PPP2R5C: variants seen among roughly 807,000 people sequenced by gnomAD.
The protein encoded by PPP2R5C is protein phosphatase 2 regulatory subunit B'gamma.
A neutral mutation model predicts 68.9 loss-of-function variants in PPP2R5C; 7 were observed. That is an observed-to-expected ratio of 0.10 (90% CI 0.06 to 0.19). The LOEUF is 0.19. Among genes scored for constraint, PPP2R5C ranks in the 10% least tolerant of loss-of-function variants. PPP2R5C has a pLI of 1.00. For missense variants in PPP2R5C, 348 were observed against 641.3 expected (o/e 0.54, Z 4.94); for synonymous variants, 210 against 222.2 (o/e 0.95, Z 0.49).
At chr14:101,904,936 C>T (rs1359743313) in intron 9 of PPP2R5C, among the ~76,000 whole-genome samples, 1 of 152,230 alleles carries the variant, frequency 6.6e-6, no homozygotes, top group African/African-American at 2.4e-5. Context: ...CACTTGTGTG[C>T]TGGTTTACTA....
chr14:101,761,935 G>A lies in PPP2R5C; in HGVS notation c.27+15G>A. Reference sequence around the variant, plus strand: ...AGAAGGAGAAAGTGAGTCCGGGCCCGGCCGCGGGACGGAGGGAGCAGGGAG... The same window carrying A: ...AGAAGGAGAAAGTGAGTCCGGGCCCAGCCGCGGGACGGAGGGAGCAGGGAG... On this transcript the variant is annotated intron_variant, in intron 1 of 14. Transcript: ENST00000328724. 1 of 1,190,362 alleles carries A rather than the reference G, an allele frequency of 8.4e-7. No individual in the cohort carries two copies. The highest frequency in any genetic ancestry group is 1.1e-6 in the Non-Finnish European group (1 of 951,816). 73.7% of individuals were successfully genotyped at this position (1,190,362 alleles called of 1,614,324 possible).
In PPP2R5C at chr14:101,890,069, C is replaced by T. The variant is rs1417933643; in HGVS notation, c.630-168C>T. 2.8e-6 allele frequency: 2 copies of T among 702,622 alleles called. 1 individual carries two copies. Among genetic ancestry groups the T allele is most frequent in the Non-Finnish European group, 5.2e-6 (2 of 387,186 alleles). The allele number at this position is 702,622 out of a possible 1,614,324, so 43.5% of individuals were successfully genotyped here. On this transcript the variant is annotated intron_variant, in intron 5 of 13. Coordinates refer to ENST00000334743, the Ensembl canonical transcript of PPP2R5C. ...CCCTCGAGGCATTTACAGCTGCAGGCCTTGAGGAGTTTCTTTGGTTCCTGA... is the reference window on the plus strand; with the variant it reads ...CCCTCGAGGCATTTACAGCTGCAGGTCTTGAGGAGTTTCTTTGGTTCCTGA...
intron 11 of PPP2R5C, among the ~76,000 whole-genome samples, chr14:101,910,266 TG>T (rs2046307507): frequency 2.0e-5 from 3 of 152,226 alleles, no homozygotes; most frequent in South Asian, 4.1e-4. Flanking sequence ...AAATAGTTGT[TG>T]GAGGTCACTT....
At chr14:101,921,513 C>T (rs1460824748) in intron 13 of PPP2R5C, 1 of 151,122 alleles carries the variant, frequency 6.6e-6, no homozygotes, top group Non-Finnish European at 1.5e-5. Flanking sequence ...CAGAGCCAGA[C>T]TCGGACTCTG....
upstream of PPP2R5C, chr14:101,760,664 C>G (rs2036447904): frequency 1.1e-6 from 1 of 888,086 alleles, no homozygotes. Context: ...CGGGACCAAC[C>G]AGGGAGGGGC....
exon 14 of PPP2R5C, chr14:101,927,220 A>G (rs753210282): frequency 1.3e-5 from 2 of 152,224 alleles, no homozygotes; most frequent in Non-Finnish European, 2.9e-5. Context: ...CAAAATATCA[A>G]TGTTTGGGTG....
chr14:101,900,305 T>G (rs1379050808), intron 8 of PPP2R5C, among the ~76,000 whole-genome samples: 1 of 152,242 alleles, frequency 6.6e-6, no homozygotes, highest in Non-Finnish European at 1.5e-5. Flanking sequence ...ATGTTAAATG[T>G]CCACCTTTTT....
At chr14:101,924,324 A>G (rs1487619754) in intron 13 of PPP2R5C, among the ~76,000 whole-genome samples, 1 of 152,098 alleles carries the variant, frequency 6.6e-6, no homozygotes, top group African/African-American at 2.4e-5. Context: ...CCTAGACTTT[A>G]GAAAGACAAT....
chr14:101,884,583 C>A (rs1262637128), intron 5 of PPP2R5C, among the ~76,000 whole-genome samples: 5 of 152,340 alleles, frequency 3.3e-5, no homozygotes, highest in Non-Finnish European at 7.3e-5. Context: ...GGAGGGAAAG[C>A]CCCGCTGGAG....
intron 1 of PPP2R5C, chr14:101,831,756 G>A (rs1367838979): frequency 1.7e-5 from 12 of 702,152 alleles, no homozygotes; most frequent in African/African-American, 1.2e-4. Context: ...CTTTTCATAC[G>A]CACGGGTTCT....
In PPP2R5C at chr14:101,885,204, G is replaced by A. The variant is rs550411359; in HGVS notation, c.629+1642G>A. ...GCCAGGTGTCAGCCACGCCCAACACGGGCCTCGGGGTCCTTTCTTAGTCAC... is the reference window on the plus strand; with the variant it reads ...GCCAGGTGTCAGCCACGCCCAACACAGGCCTCGGGGTCCTTTCTTAGTCAC... On this transcript the variant is annotated intron_variant, in intron 5 of 13. Transcript: ENST00000334743. 4.6e-5 allele frequency among the ~76,000 whole-genome samples: 7 copies of A among 152,324 alleles called. No individual in the cohort carries two copies. The East Asian group carries it at 1.2e-3, about 25-fold the overall frequency.
intron 2 of PPP2R5C, among the ~76,000 whole-genome samples, chr14:101,783,663 C>T (rs1024262891): frequency 2.0e-5 from 3 of 152,240 alleles, no homozygotes; most frequent in African/African-American, 7.2e-5. Context: ...CATGGACTTG[C>T]TTCCCAGCCC....
At chr14:101,768,717 T>A (rs2036988873) in intron 2 of PPP2R5C, among the ~76,000 whole-genome samples, 2 of 152,102 alleles carry the variant, frequency 1.3e-5, no homozygotes, top group Admixed American at 1.3e-4. Context: ...CGTTTTGACC[T>A]TGTGGACCCC....
chr14:101,838,043 A>C lies in PPP2R5C; in HGVS notation c.95-18643A>C, dbSNP rs552448824. 1.8e-4 allele frequency among the ~76,000 whole-genome samples: 28 copies of C among 152,386 alleles called. No individual in the cohort carries two copies. The South Asian group carries it at 5.8e-3, about 32-fold the overall frequency. ...AATGGCTTAGAGTTAATGTGTAAAG[A>C]TTGTTATTAAATAAGAATCAAAAGA... On this transcript the variant is annotated intron_variant, in intron 1 of 13. Transcript: ENST00000334743.
intron 11 of PPP2R5C, among the ~76,000 whole-genome samples, chr14:101,910,419 GTA>G (rs1284947076): frequency 1.5e-4 from 22 of 142,576 alleles, no homozygotes; most frequent in South Asian, 6.6e-4. Flanking sequence ...GTGTGTGTGT[GTA>G]TATATATGAA....
intron 2 of PPP2R5C, among the ~76,000 whole-genome samples, chr14:101,859,755 C>G (rs12884906): frequency 0.074 from 11,326 of 152,234 alleles, 471 homozygotes; most frequent in Middle Eastern, 0.14. Flanking sequence ...GCCTGGGCCT[C>G]TTTGTGGTTC....
At chr14:101,901,784 C>A in exon 9 of PPP2R5C, 1 of 1,613,862 alleles carries the variant, frequency 6.2e-7, no homozygotes, top group Non-Finnish European at 8.5e-7. Context: ...TGTTCTTAAA[C>A]GAATTAGAAG....
chr14:101,894,417 T>C (rs1369658472), intron 7 of PPP2R5C, 90 bp from the exon 10 acceptor site: 14 of 1,243,354 alleles, frequency 1.1e-5, no homozygotes, highest in Non-Finnish European at 1.6e-5. Context: ...CTTGTCTTGC[T>C]GTGGGAAGGT....
At chr14:101,803,633 A>G (rs188140795) in intron 3 of PPP2R5C, among the ~76,000 whole-genome samples, 21 of 152,156 alleles carry the variant, frequency 1.4e-4, no homozygotes, top group African/African-American at 5.1e-4. Context: ...CTGAGGCAGC[A>G]GAATCACTTG....
Sources: allele counts gnomAD v4.1 joint callset (sites outside exome capture counted in the v4.1 genomes callset), GRCh38; gene constraint gnomAD v4.1.1; transcripts MANE v1.5; gene names NCBI Gene and HGNC (gene_info 2026-07-23, HGNC 2026-07-21).